TNFAIP8L3: variants seen among roughly 807,000 people sequenced by gnomAD.
The protein encoded by TNFAIP8L3 is TNF alpha induced protein 8 like 3.
Under a neutral mutation model 11.8 loss-of-function variants are expected in TNFAIP8L3, and 7 were observed. That is an observed-to-expected ratio of 0.59 (90% CI 0.34 to 1.11). TNFAIP8L3 has a LOEUF of 1.11. TNFAIP8L3 is among the 50% of genes most tolerant of loss of function. TNFAIP8L3 has a pLI of 0.03. For synonymous variants in TNFAIP8L3, 98 were observed against 103.8 expected, an observed-to-expected ratio of 0.94 and a Z score of 0.34; for missense variants, 219 against 258.6, an observed-to-expected ratio of 0.85 and a Z score of 1.05.
At chr15:51,087,548 C>T (rs1595617284) in intron 1 of TNFAIP8L3, among the ~76,000 whole-genome samples, 2 of 152,124 alleles carry the variant, frequency 1.3e-5, no homozygotes, top group East Asian at 3.9e-4. Flanking sequence ...GAATATTTTC[C>T]CAGAAAGCAC....
chr15:51,074,780 G>A (rs760796942), intron 1 of TNFAIP8L3, among the ~76,000 whole-genome samples: 8 of 152,204 alleles, frequency 5.3e-5, no homozygotes, highest in Non-Finnish European at 7.3e-5. Flanking sequence ...GAATCCAGTG[G>A]ACCCTCGCCC....
chr15:51,082,713 A>G (rs973168202), intron 1 of TNFAIP8L3, among the ~76,000 whole-genome samples: 1 of 152,102 alleles, frequency 6.6e-6, no homozygotes, highest in African/African-American at 2.4e-5. Context: ...TCTTTATTCT[A>G]TAAGCTTTTT....
At chr15:51,091,889 A>C (rs776272434) in intron 1 of TNFAIP8L3, among the ~76,000 whole-genome samples, 1 of 152,236 alleles carries the variant, frequency 6.6e-6, no homozygotes, top group Non-Finnish European at 1.5e-5. Flanking sequence ...CTTACAACAA[A>C]TAATCCAATC....
At chr15:51,087,919 T>TATATATATATA (rs1555468325) in intron 1 of TNFAIP8L3, among the ~76,000 whole-genome samples, 2 of 101,550 alleles carry the variant, frequency 2.0e-5, no homozygotes, top group South Asian at 7.5e-4. Context: ...TAGCATACCT[T>TATATATATATA]TATATATATA....
chr15:51,080,354 G>A (rs2065382388), intron 1 of TNFAIP8L3, among the ~76,000 whole-genome samples: 1 of 152,042 alleles, frequency 6.6e-6, no homozygotes, highest in African/African-American at 2.4e-5. Flanking sequence ...AAAGTTCGTA[G>A]CAGAATAGAA....
intron 1 of TNFAIP8L3, among the ~76,000 whole-genome samples, chr15:51,101,986 T>G (rs955110938): frequency 3.0e-5 from 4 of 135,182 alleles, no homozygotes; most frequent in South Asian, 2.4e-4. Context: ...GAAAAGAAAA[T>G]AAGTAAAATA....
rs1279788681 is a variant in TNFAIP8L3 at position 51,057,910 on chromosome 15, T to C, written c.586A>G (p.Asn196Asp). 3 of 1,591,616 alleles carry C rather than the reference T, an allele frequency of 1.9e-6. No homozygotes were observed. Among genetic ancestry groups the C allele is most frequent in the Non-Finnish European group, 1.7e-6 (2 of 1,170,010 alleles). The change falls in exon 2 of 2, where the codon AAT (asparagine) becomes GAT (aspartate). Residue 196 changes from asparagine (N) to aspartate (D), a missense_variant. Coordinates refer to ENST00000637513, the MANE Select transcript of TNFAIP8L3 (RefSeq NM_001311175.2). ...PNLKRICEGI[N>D]KLLDEKVL ...AGGACTTTCTCATCTAGCAACTTAT[T>C]GATTCCTTCACAAATCCTCTTGAGG...
chr15:51,086,622 C>G (rs574215721), intron 1 of TNFAIP8L3, among the ~76,000 whole-genome samples: 1 of 152,146 alleles, frequency 6.6e-6, no homozygotes, highest in South Asian at 2.1e-4. Context: ...GCTGTGCAAC[C>G]CTGAGCAGGT....
chr15:51,104,835 T>C (rs2065578387), intron 1 of TNFAIP8L3, among the ~76,000 whole-genome samples: 1 of 152,206 alleles, frequency 6.6e-6, no homozygotes, highest in South Asian at 2.1e-4. Context: ...GGATTTTTAT[T>C]CTGGCTGTTC....
upstream of TNFAIP8L3, among the ~76,000 whole-genome samples, chr15:51,098,375 G>T (rs956909224): frequency 6.6e-6 from 1 of 152,122 alleles, no homozygotes; most frequent in African/African-American, 2.4e-5. Context: ...AGTGGCCTTT[G>T]GTCCTTAGAG....
chr15:51,086,448 G>A (rs184985933), intron 1 of TNFAIP8L3, among the ~76,000 whole-genome samples: 50 of 152,352 alleles, frequency 3.3e-4, no homozygotes, highest in Admixed American at 2.9e-3. Context: ...GAGGCAGAAT[G>A]CCCTCACCTA....
chr15:51,066,936 A>C (rs1255176581), intron 1 of TNFAIP8L3, among the ~76,000 whole-genome samples: 1 of 152,218 alleles, frequency 6.6e-6, no homozygotes, highest in African/African-American at 2.4e-5. Flanking sequence ...GTATATTCCT[A>C]GAATTCTAAA....
intron 1 of TNFAIP8L3, among the ~76,000 whole-genome samples, chr15:51,082,643 CACTT>C (rs1207794766): frequency 1.3e-5 from 2 of 152,132 alleles, no homozygotes; most frequent in Non-Finnish European, 1.5e-5. Context: ...TTTGTTGTAA[CACTT>C]AGCTTAAAAC....
intron 1 of TNFAIP8L3, among the ~76,000 whole-genome samples, chr15:51,088,609 T>C (rs553945952): frequency 2.0e-4 from 30 of 152,314 alleles, no homozygotes; most frequent in Non-Finnish European, 1.2e-4. Context: ...GATTGAACAG[T>C]TGGATTCAGA....
chr15:51,103,298 C>A (rs549499383), intron 1 of TNFAIP8L3, among the ~76,000 whole-genome samples: 1 of 152,356 alleles, frequency 6.6e-6, no homozygotes, highest in African/African-American at 2.4e-5. Context: ...GGGCCTCTCT[C>A]CATTACTTCT....
At chr15:51,083,708 C>A (rs2065407918) in intron 1 of TNFAIP8L3, among the ~76,000 whole-genome samples, 2 of 152,204 alleles carry the variant, frequency 1.3e-5, no homozygotes, top group African/African-American at 4.8e-5. Context: ...AAGGCTAGGC[C>A]AGGTGGGCTC....
At chr15:51,091,306 A>T (rs960633260) in intron 1 of TNFAIP8L3, among the ~76,000 whole-genome samples, 1 of 152,194 alleles carries the variant, frequency 6.6e-6, no homozygotes, top group African/African-American at 2.4e-5. Flanking sequence ...AGTGGGGGGA[A>T]CTTTGGAAGA....
At chr15:51,088,729 G>A (rs920592724) in intron 1 of TNFAIP8L3, among the ~76,000 whole-genome samples, 16 of 152,184 alleles carry the variant, frequency 1.1e-4, no homozygotes, top group Non-Finnish European at 2.2e-4. Flanking sequence ...CTGGTAGACA[G>A]GCCTGCCATC....
At chr15:51,077,223 C>T (rs555448648) in intron 1 of TNFAIP8L3, among the ~76,000 whole-genome samples, 1 of 152,336 alleles carries the variant, frequency 6.6e-6, no homozygotes, top group East Asian at 1.9e-4. Flanking sequence ...GGTCAGCAGG[C>T]GTCATGCTGG....
Sources: allele counts gnomAD v4.1 joint callset (sites outside exome capture counted in the v4.1 genomes callset), GRCh38; gene constraint gnomAD v4.1.1; transcripts MANE v1.5; gene names NCBI Gene and HGNC (gene_info 2026-07-23, HGNC 2026-07-21).